SVIL: variants seen among roughly 807,000 people sequenced by gnomAD.
The protein encoded by SVIL is archvillin.
Under a neutral mutation model 240.4 loss-of-function variants are expected in SVIL, and 101 were observed. The observed-to-expected ratio is 0.42, with a 90% CI of 0.36 to 0.50. The LOEUF (loss-of-function observed/expected upper bound fraction) is 0.50, where lower values mean the gene tolerates loss of function less well. Ranked by LOEUF, SVIL falls within the 20% of genes least tolerant of loss-of-function variation. The probability of loss-of-function intolerance (pLI) is 0.01; values close to 1 mark genes in which losing one functional copy is unlikely to be tolerated. For synonymous variants in SVIL, 999 were observed against 1,100.0 expected (o/e 0.91, Z 1.82); for missense variants, 2,512 against 2,818.7 (o/e 0.89, Z 2.46).
intron 3 of SVIL, among the ~76,000 whole-genome samples, chr10:29,650,875 G>A (rs1258860584): frequency 2.0e-5 from 3 of 152,204 alleles, no homozygotes; most frequent in African/African-American, 7.2e-5. Flanking sequence ...CTTGAGGCCA[G>A]TAGTTTGTGC....
At position 29,735,372 on chromosome 10, in the gene SVIL, C is replaced by G. The variant is rs1235400154; in HGVS notation, c.-400+379G>C. Among the ~76,000 whole-genome samples the G allele has an allele frequency of 6.6e-6, 1 of 152,050 alleles. No individual in the cohort carries two copies. The highest frequency in any genetic ancestry group is 1.5e-5 in the Non-Finnish European group (1 of 67,992). ...ACTCCCCGGGCCACCCGCCTCCCCG[C>G]CATGCTCTCAGCGTAACGGGCAGCC... On this transcript the variant is annotated intron_variant, in intron 1 of 35. Transcript: ENST00000375400. This position sits in a 1 kb window ranked among gnomAD's most constrained non-coding sequence, Gnocchi z 4.1.
chr10:29,695,500 C>G (rs964124095), intron 1 of SVIL, among the ~76,000 whole-genome samples: 6 of 152,056 alleles, frequency 3.9e-5, no homozygotes, highest in African/African-American at 1.4e-4. Flanking sequence ...AATCCCAGCA[C>G]TTTGGGAGGT....
rs140235604 is a variant in SVIL, at chr10:29,490,402, A to C, written c.4192+445T>G. On this transcript the variant is annotated intron_variant, in intron 22 of 37. Transcript: ENST00000355867. ...CAGAGCTGAAAATGGCTGAATTACC[A>C]TACTCAGAAATATCCATCTCTTCTA... is the stretch of plus-strand genomic sequence containing the variant. Among the ~76,000 whole-genome samples the C allele has an allele frequency of 2.6e-3, 401 of 152,286 alleles. 1 individual carries two copies. Among genetic ancestry groups the C allele is most frequent in the African/African-American group, 9.0e-3 (372 of 41,554 alleles).
At chr10:29,600,015 G>A (rs1207390822) in intron 1 of SVIL, among the ~76,000 whole-genome samples, 1 of 151,912 alleles carries the variant, frequency 6.6e-6, no homozygotes, top group African/African-American at 2.4e-5. Flanking sequence ...ACTATTGAGT[G>A]CTTTGGGCTG....
intron 36 of SVIL, among the ~76,000 whole-genome samples, chr10:29,461,232 C>CTT (rs1292727006): frequency 6.6e-6 from 1 of 152,206 alleles, no homozygotes; most frequent in Admixed American, 6.5e-5. Context: ...AACTCCTGAA[C>CTT]TTAGACTGCA....
chr10:29,703,094 G>C (rs915251047), intron 1 of SVIL, among the ~76,000 whole-genome samples: 2 of 152,120 alleles, frequency 1.3e-5, no homozygotes, highest in Non-Finnish European at 2.9e-5. Flanking sequence ...AAAGGATCTA[G>C]GCATTTATTT....
At position 29,734,652 on chromosome 10, in the gene SVIL, A is replaced by G. The variant is rs575940638; in HGVS notation, c.-400+1099T>C. ...CAACAGAAGAAGGGGGTGGAGGCAG[A>G]TAAGACAAGACACGAAAACGTGAAT... On this transcript the variant is annotated intron_variant, in intron 1 of 35. Transcript: ENST00000375400. Among the ~76,000 whole-genome samples the G allele has an allele frequency of 3.9e-5, 6 of 152,316 alleles. 1 individual carries two copies. In the South Asian group the frequency reaches 1.2e-3, roughly 32 times the overall value.
At chr10:29,505,687 T>G (rs2132457067) in intron 17 of SVIL, among the ~76,000 whole-genome samples, 2 of 152,308 alleles carry the variant, frequency 1.3e-5, no homozygotes, top group South Asian at 4.1e-4. Context: ...TTGGGGATAA[T>G]GACGCGTCAA....
At chr10:29,474,819 A>G (rs1308806721) in intron 29 of SVIL, among the ~76,000 whole-genome samples, 2 of 152,220 alleles carry the variant, frequency 1.3e-5, no homozygotes, top group Non-Finnish European at 1.5e-5. Flanking sequence ...CTATTCTAGT[A>G]AAAAATACAA....
chr10:29,494,941 T>A lies in SVIL; in HGVS notation c.3814A>T (p.Thr1272Ser), dbSNP rs776486681. Reference protein sequence around the residue: ...ESDLKLDRLETFLRRLNNKVG... With the variant: ...ESDLKLDRLESFLRRLNNKVG... Reference sequence around the variant, plus strand: ...TTGTTATTCAGCCTTCTTAGAAAGGTTTCCAGCCTGTCCAACTTCAGGTCC... The same window carrying A: ...TTGTTATTCAGCCTTCTTAGAAAGGATTCCAGCCTGTCCAACTTCAGGTCC... The change falls in exon 20 of 38, where the codon ACC becomes TCC. Residue 1272 changes from threonine (T) to serine (S), a missense_variant. Thr to Ser is a moderately conservative substitution (Grantham distance 58). Transcript: ENST00000355867. The A allele has an allele frequency of 9.9e-6, 16 of 1,613,934 alleles. No individual in the cohort carries two copies. Among genetic ancestry groups the A allele is most frequent in the African/African-American group, 1.3e-5 (1 of 74,864 alleles).
At chr10:29,496,860 G>A (rs1588985626) in intron 18 of SVIL, among the ~76,000 whole-genome samples, 4 of 152,268 alleles carry the variant, frequency 2.6e-5, no homozygotes, top group African/African-American at 4.8e-5. Flanking sequence ...AAACCAAAGC[G>A]GAAAGTCATC....
chr10:29,714,500 G>A (rs1389106729), intron 1 of SVIL, among the ~76,000 whole-genome samples: 1 of 152,110 alleles, frequency 6.6e-6, no homozygotes. Context: ...AACTTTTTTA[G>A]GATTCTAGAC....
At chr10:29,515,291 G>T (rs3780850) in intron 16 of SVIL, among the ~76,000 whole-genome samples, 66,450 of 152,016 alleles carry the variant, frequency 0.44, 15,188 homozygotes, top group African/African-American at 0.55. Flanking sequence ...ACACGAAGTC[G>T]AAATTCCTTC....
intron 1 of SVIL, among the ~76,000 whole-genome samples, chr10:29,581,526 T>C (rs992819980): frequency 6.6e-6 from 1 of 152,236 alleles, no homozygotes; most frequent in Admixed American, 6.5e-5. Context: ...TAAGAAATGT[T>C]GCAAGTCACA....
At chr10:29,720,562 G>A (rs1461486135) in intron 1 of SVIL, among the ~76,000 whole-genome samples, 1 of 152,098 alleles carries the variant, frequency 6.6e-6, no homozygotes, top group Non-Finnish European at 1.5e-5. Flanking sequence ...AAATAATCAG[G>A]TAGAAATATG....
Position 29,486,140 on chromosome 10 carries a change from G to C in SVIL, c.4724C>G (p.Pro1575Arg). The change falls in exon 26 of 38, where the codon CCT becomes CGT. Residue 1575 changes from proline (P) to arginine (R), a missense_variant. Transcript: ENST00000355867. Reference sequence around the variant, plus strand: ...AATTTTCCCCCAGTAGTCGTCATCAGGAACAAGTTTGTCATCCATGAGACG... The same window carrying C: ...AATTTTCCCCCAGTAGTCGTCATCACGAACAAGTTTGTCATCCATGAGACG... ...IYRLMDDKLV[P>R]DDDYWGKIPK... 1 of 1,614,184 alleles carries C rather than the reference G, an allele frequency of 6.2e-7. No homozygotes were observed. The highest frequency in any genetic ancestry group is 8.5e-7 in the Non-Finnish European group (1 of 1,180,052).
chr10:29,490,486 G>A (rs1397256016), intron 22 of SVIL, among the ~76,000 whole-genome samples: 3 of 151,650 alleles, frequency 2.0e-5, no homozygotes, highest in Non-Finnish European at 2.9e-5. Context: ...GGTGGCTTGT[G>A]CCTGTAATCC....
At chr10:29,536,911 CA>C (rs59133069) in intron 6 of SVIL, among the ~76,000 whole-genome samples, 12,723 of 89,434 alleles carry the variant, frequency 0.14, 594 homozygotes, top group Middle Eastern at 0.21. Context: ...GACTCTGTCA[CA>C]AAAAAAAAAA....
At chr10:29,582,537 G>A (rs868224041) in intron 1 of SVIL, among the ~76,000 whole-genome samples, 6 of 152,098 alleles carry the variant, frequency 3.9e-5, no homozygotes, top group Non-Finnish European at 7.3e-5. Flanking sequence ...AGGAGTTAGA[G>A]ACCAGCCTGG....
Sources: allele counts gnomAD v4.1 joint callset (sites outside exome capture counted in the v4.1 genomes callset), GRCh38; gene constraint gnomAD v4.1.1; non-coding constraint Gnocchi (gnomAD v3.1); transcripts MANE v1.5; gene names NCBI Gene and HGNC (gene_info 2026-07-23, HGNC 2026-07-21).